Variants in SIPA1L3 observed in about 807,000 individuals in gnomAD.
The protein encoded by SIPA1L3 is signal-induced proliferation-associated 1-like protein 3.
In SIPA1L3, 59 loss-of-function variants were observed where a neutral mutation model predicts 150.1. That is an observed-to-expected ratio of 0.39 (90% confidence interval 0.32 to 0.49). The LOEUF (loss-of-function observed/expected upper bound fraction) is 0.49, where lower values mean the gene tolerates loss of function less well. SIPA1L3 is among the 20% of genes least tolerant of loss of function. The probability of loss-of-function intolerance (pLI) is 0.86; values close to 1 mark genes in which losing one functional copy is unlikely to be tolerated. For missense variants in SIPA1L3, 2,211 were observed against 2,489.5 expected, an observed-to-expected ratio of 0.89 and a Z score of 2.38; for synonymous variants, 1,070 against 1,077.6, an observed-to-expected ratio of 0.99 and a Z score of 0.14.
chr19:38,085,979 G>A (rs1970121192), intron 3 of SIPA1L3, among the ~76,000 whole-genome samples: 9 of 151,928 alleles, frequency 5.9e-5, no homozygotes, highest in Admixed American at 5.2e-4. Flanking sequence ...CTGGGCGACA[G>A]AGTGAGACTC....
At chr19:37,975,804 C>T (rs1568485842) in intron 1 of SIPA1L3, among the ~76,000 whole-genome samples, 1 of 151,972 alleles carries the variant, frequency 6.6e-6, no homozygotes, top group Non-Finnish European at 1.5e-5. Flanking sequence ...CCCCAGGAGG[C>T]ATTCAGAAAT....
chr19:38,163,443 T>C (rs1417726553), intron 14 of SIPA1L3, among the ~76,000 whole-genome samples: 1 of 146,360 alleles, frequency 6.8e-6, no homozygotes, highest in African/African-American at 2.6e-5. Flanking sequence ...TAAGCCAAGA[T>C]TGCACCACTG....
At chr19:38,097,602 G>C (rs1459895389) in intron 4 of SIPA1L3, among the ~76,000 whole-genome samples, 1 of 152,172 alleles carries the variant, frequency 6.6e-6, no homozygotes, top group Non-Finnish European at 1.5e-5. Context: ...TGTTGCCCAG[G>C]CTGGAGTGCA....
chr19:37,973,090 G>A (rs1966980945), intron 1 of SIPA1L3, among the ~76,000 whole-genome samples: 1 of 151,716 alleles, frequency 6.6e-6, no homozygotes, highest in South Asian at 2.1e-4. Context: ...GATAGGTATT[G>A]GGGGACAAGA....
rs570409278 is a variant in SIPA1L3, at chr19:38,061,711, G to A, written c.-310-19545G>A. 3.9e-5 allele frequency among the ~76,000 whole-genome samples: 6 copies of A among 152,000 alleles called. No individual in the cohort carries two copies. In the South Asian group the frequency reaches 1.3e-3, roughly 32 times the overall value. On this transcript the variant is annotated intron_variant, in intron 2 of 21. Transcript: ENST00000222345. Reference sequence around the variant, plus strand: ...GAGCAGGGACAAGAAACATGGGACAGAGATGGGGCGGAGATGAAGAGAGAT... The same window carrying A: ...GAGCAGGGACAAGAAACATGGGACAAAGATGGGGCGGAGATGAAGAGAGAT...
At chr19:37,914,814 A>G (rs1267394710) in intron 1 of SIPA1L3, among the ~76,000 whole-genome samples, 2 of 152,098 alleles carry the variant, frequency 1.3e-5, no homozygotes, top group Non-Finnish European at 2.9e-5. Context: ...CTACTTTTTT[A>G]TAAAATAATA....
chr19:38,104,672 AGG>A (rs1199872996), intron 6 of SIPA1L3, among the ~76,000 whole-genome samples: 1 of 152,084 alleles, frequency 6.6e-6, no homozygotes, highest in Non-Finnish European at 1.5e-5. Flanking sequence ...CCTGGTTTCA[AGG>A]GACTCTCCCA....
At chr19:37,995,529 A>G (rs1247763953) in intron 1 of SIPA1L3, among the ~76,000 whole-genome samples, 1 of 152,082 alleles carries the variant, frequency 6.6e-6, no homozygotes, top group Non-Finnish European at 1.5e-5. Flanking sequence ...AGTGCGGGGG[A>G]ACACAGGAAA....
chr19:37,925,039 ACT>A (rs1406709410), intron 1 of SIPA1L3, among the ~76,000 whole-genome samples: 1 of 148,306 alleles, frequency 6.7e-6, no homozygotes. Flanking sequence ...ATAGAGGGAG[ACT>A]CTGTCTCAAA....
chr19:38,123,223 G>A (rs571466424), intron 9 of SIPA1L3, among the ~76,000 whole-genome samples: 1 of 151,800 alleles, frequency 6.6e-6, no homozygotes, highest in South Asian at 2.1e-4. Context: ...ACCTTGACTT[G>A]CCCAGAGCCC....
intron 1 of SIPA1L3, among the ~76,000 whole-genome samples, chr19:37,974,966 A>G (rs1418689860): frequency 2.0e-5 from 3 of 152,212 alleles, no homozygotes; most frequent in African/African-American, 7.2e-5. Context: ...TCACGAGGTC[A>G]GGAGATCAAG....
chr19:38,173,973 T>G (rs1972385305), intron 15 of SIPA1L3, among the ~76,000 whole-genome samples: 5 of 141,478 alleles, frequency 3.5e-5, no homozygotes, highest in South Asian at 2.4e-4. Context: ...GGGGGGCAGA[T>G]GGGGGGCCCT....
chr19:38,007,219 A>G (rs1372867604), intron 1 of SIPA1L3, among the ~76,000 whole-genome samples: 1 of 152,152 alleles, frequency 6.6e-6, no homozygotes, highest in Non-Finnish European at 1.5e-5. Context: ...TTGGGAGACC[A>G]AGGCAGACGG....
intron 2 of SIPA1L3, among the ~76,000 whole-genome samples, chr19:38,067,409 C>T (rs1202186095): frequency 6.6e-6 from 1 of 152,124 alleles, no homozygotes; most frequent in African/African-American, 2.4e-5. Flanking sequence ...GGGGACTGCC[C>T]TGGGTCCCTG....
rs137949965 is a variant in SIPA1L3 at position 38,009,568 on chromosome 19, G to A, written c.-378-19521G>A. On this transcript the variant is annotated intron_variant, in intron 1 of 21. Coordinates refer to ENST00000222345, the MANE Select transcript of SIPA1L3 (RefSeq NM_015073.3). ...TTCTGTGCCAGTTACTTTTCCAACC[G>A]TTCAATTGCTGTTACCTCATTTAAC... Among the ~76,000 whole-genome samples the A allele has an allele frequency of 9.8e-4, 149 of 152,052 alleles. 2 individuals are homozygous for A. The East Asian group carries it at 0.019, about 20-fold the overall frequency.
intron 12 of SIPA1L3, among the ~76,000 whole-genome samples, chr19:38,143,728 G>A (rs1037166924): frequency 7.2e-5 from 11 of 151,894 alleles, no homozygotes; most frequent in Admixed American, 1.3e-4. Flanking sequence ...TAGTAGAGAC[G>A]GATTTTCACC....
At chr19:38,079,742 G>A (rs1267041519) in intron 2 of SIPA1L3, among the ~76,000 whole-genome samples, 2 of 152,094 alleles carry the variant, frequency 1.3e-5, no homozygotes, top group Non-Finnish European at 2.9e-5. Context: ...TTTTAGTAGA[G>A]ATGGGGTTTT....
intron 8 of SIPA1L3, among the ~76,000 whole-genome samples, chr19:38,112,278 A>G (rs193146454): frequency 5.9e-5 from 9 of 152,104 alleles, no homozygotes; most frequent in Middle Eastern, 3.4e-3. Flanking sequence ...GCACATATGC[A>G]CACACATATG....
At chr19:38,189,138 C>CTT (rs769692248) in intron 16 of SIPA1L3, among the ~76,000 whole-genome samples, 7 of 137,750 alleles carry the variant, frequency 5.1e-5, no homozygotes, top group South Asian at 4.7e-4. Flanking sequence ...CTCTTCAAGT[C>CTT]TTTTTTTTTT....
Sources: allele counts gnomAD v4.1 joint callset (sites outside exome capture counted in the v4.1 genomes callset), GRCh38; gene constraint gnomAD v4.1.1; transcripts MANE v1.5; gene names NCBI Gene and HGNC (gene_info 2026-07-23, HGNC 2026-07-21).